The following RPH3A variants were observed in gnomAD, a reference collection of about 807,000 sequenced individuals.
The protein encoded by RPH3A is rabphilin-3A.
Under a neutral mutation model 102.2 loss-of-function variants are expected in RPH3A, and 48 were observed. That is an observed-to-expected ratio of 0.47 (90% confidence interval 0.37 to 0.60). The LOEUF is 0.60. Ranked by LOEUF, RPH3A falls within the 20% of genes least tolerant of loss-of-function variation. The pLI, the probability that RPH3A is intolerant of heterozygous loss-of-function variation, is 0.00. For missense variants in RPH3A, 781 were observed against 910.1 expected, an observed-to-expected ratio of 0.86 and a Z score of 1.83; for synonymous variants, 310 against 324.3, an observed-to-expected ratio of 0.96 and a Z score of 0.47.
chr12:112,606,256 C>T (rs967005819), intron 1 of RPH3A, among the ~76,000 whole-genome samples: 2 of 152,160 alleles, frequency 1.3e-5, no homozygotes, highest in Non-Finnish European at 2.9e-5. Context: ...CTAGAATTTA[C>T]CACTTACCAA....
At chr12:112,662,989 A>G (rs1480520916) in intron 1 of RPH3A, among the ~76,000 whole-genome samples, 1 of 151,726 alleles carries the variant, frequency 6.6e-6, no homozygotes, top group Non-Finnish European at 1.5e-5. Context: ...CTAGAAGAAT[A>G]TGAACATGGA....
intron 1 of RPH3A, among the ~76,000 whole-genome samples, chr12:112,596,752 A>G (rs1445842154): frequency 1.3e-5 from 2 of 152,240 alleles, no homozygotes; most frequent in Non-Finnish European, 2.9e-5. Flanking sequence ...TTTCAATAAA[A>G]GTAGACCCTA....
At position 112,851,678 on chromosome 12, in the gene RPH3A, A is replaced by G. The variant is rs374529813; in HGVS notation, c.230+3836A>G. ...TCCATGGAGCTCATGGGCTTCTGCC[A>G]GGAGGAATCTAAATCTTCACTCACC... On this transcript the variant is annotated intron_variant, in intron 5 of 21. Transcript: ENST00000389385. 4.6e-5 allele frequency among the ~76,000 whole-genome samples: 7 copies of G among 152,300 alleles called. No individual in the cohort carries two copies. In the East Asian group the frequency reaches 9.7e-4, roughly 21 times the overall value.
At chr12:112,874,983 C>A in intron 10 of RPH3A, 101 bp from the exon 11 acceptor site, 1 of 935,972 alleles carries the variant, frequency 1.1e-6, no homozygotes, top group Non-Finnish European at 1.6e-6. Context: ...CAGTGAAAGT[C>A]CAAGGGGCTC....
At chr12:112,709,631 G>A (rs2040446774) in intron 1 of RPH3A, among the ~76,000 whole-genome samples, 1 of 152,004 alleles carries the variant, frequency 6.6e-6, no homozygotes, top group Non-Finnish European at 1.5e-5. Flanking sequence ...TGTTTATTAA[G>A]CACCTACTAT....
rs186813980 is a variant in RPH3A at position 112,692,630 on chromosome 12, C to T, written c.-139-99513C>T. Among the ~76,000 whole-genome samples the T allele has an allele frequency of 2.4e-3, 360 of 151,914 alleles. 6 individuals are homozygous for T. The highest frequency in any genetic ancestry group is 2.7e-3 in the East Asian group (14 of 5,148). On this transcript the variant is annotated intron_variant, in intron 1 of 21. Coordinates refer to the RPH3A transcript ENST00000543106. ...AACACCAATTTGTCTGATTTCAAAG[C>T]CACTTTCTATACCACACTAATGTCC... is the stretch of plus-strand genomic sequence containing the variant.
rs572000449 is a variant in RPH3A, at chr12:112,586,932, C to A, written c.-140+11613C>A. Among the ~76,000 whole-genome samples the A allele has an allele frequency of 5.3e-5, 8 of 152,266 alleles. No individual in the cohort carries two copies. In the East Asian group the frequency reaches 9.7e-4, roughly 18 times the overall value. Reference sequence around the variant, plus strand: ...TCTACATGATAGATCCCTTATGGAGCTGCAGTAGGGTATAGTGTGAAATTA... The same window carrying A: ...TCTACATGATAGATCCCTTATGGAGATGCAGTAGGGTATAGTGTGAAATTA... On this transcript the variant is annotated intron_variant, in intron 1 of 21. Transcript: ENST00000543106.
At chr12:112,835,927 A>G (rs1271040689) in intron 3 of RPH3A, among the ~76,000 whole-genome samples, 2 of 152,206 alleles carry the variant, frequency 1.3e-5, no homozygotes, top group East Asian at 3.8e-4. Context: ...TGATACTTCT[A>G]TCTAGCATTT....
chr12:112,880,258 T>C (rs528639982), intron 14 of RPH3A, among the ~76,000 whole-genome samples: 1 of 152,186 alleles, frequency 6.6e-6, no homozygotes, highest in Non-Finnish European at 1.5e-5. Flanking sequence ...GAATATATCA[T>C]CATTTATTGG....
chr12:112,584,789 G>A (rs1401702478), intron 1 of RPH3A, among the ~76,000 whole-genome samples: 1 of 152,226 alleles, frequency 6.6e-6, no homozygotes, highest in East Asian at 1.9e-4. Flanking sequence ...TTGAGGCTTT[G>A]AAGTGTGCAC....
In RPH3A at chr12:112,683,624, G is replaced by C. The variant is rs542769540; in HGVS notation, c.-140+108305G>C. ...GTGCAACTGGAGCTCCATCCTCTTG[G>C]GTACCCTCTGAGTGACTGTGTAGGA... is the stretch of plus-strand genomic sequence containing the variant. On this transcript the variant is annotated intron_variant, in intron 1 of 21. Coordinates refer to the RPH3A transcript ENST00000543106. Among the ~76,000 whole-genome samples, 9 of 152,250 alleles carry C rather than the reference G, an allele frequency of 5.9e-5. No homozygotes were observed. The South Asian group carries it at 1.9e-3, about 32-fold the overall frequency.
intron 20 of RPH3A, chr12:112,895,526 C>G (rs1375073217): frequency 2.3e-6 from 1 of 426,464 alleles, no homozygotes; most frequent in Non-Finnish European, 4.3e-6. Flanking sequence ...AGAAAAACCT[C>G]ACCAGCCTTC....
At chr12:112,817,575 C>G (rs2041699488) in intron 2 of RPH3A, among the ~76,000 whole-genome samples, 1 of 151,914 alleles carries the variant, frequency 6.6e-6, no homozygotes. Context: ...CCCCCCACCC[C>G]CCGCACACGC....
intron 1 of RPH3A, among the ~76,000 whole-genome samples, chr12:112,621,361 C>G (rs1198448692): frequency 7.4e-5 from 11 of 148,218 alleles, no homozygotes; most frequent in African/African-American, 1.3e-4. Context: ...GCACCGTGCG[C>G]GAGCCGAAGC....
chr12:112,688,644 T>C (rs1443184514), intron 1 of RPH3A, among the ~76,000 whole-genome samples: 1 of 152,242 alleles, frequency 6.6e-6, no homozygotes, highest in Non-Finnish European at 1.5e-5. Context: ...TAGTACCTAC[T>C]AAGTGCTTGG....
chr12:112,698,245 C>G (rs1414041816), intron 1 of RPH3A, among the ~76,000 whole-genome samples: 1 of 152,164 alleles, frequency 6.6e-6, no homozygotes, highest in Non-Finnish European at 1.5e-5. Context: ...ACATCATATA[C>G]AAACATTAGC....
At chr12:112,774,063 C>CAAAAAAAAAAAAAAAAAA (rs11375355) in intron 1 of RPH3A, among the ~76,000 whole-genome samples, 29 of 108,364 alleles carry the variant, frequency 2.7e-4, no homozygotes, top group African/African-American at 8.7e-4. Context: ...CCAGCCTGGG[C>CAAAAAAAAAAAAAAAAAA]AAAAAAAAAA....
At chr12:112,843,968 T>G (rs2042189973) in intron 4 of RPH3A, among the ~76,000 whole-genome samples, 1 of 152,138 alleles carries the variant, frequency 6.6e-6, no homozygotes, top group Non-Finnish European at 1.5e-5. Context: ...TGAGGGATAT[T>G]GGCACACCAA....
At chr12:112,768,721 T>C (rs1221985704) in intron 1 of RPH3A, among the ~76,000 whole-genome samples, 3 of 152,268 alleles carry the variant, frequency 2.0e-5, no homozygotes, top group East Asian at 1.9e-4. Flanking sequence ...GAGTCCAGCC[T>C]GGGAAACTTA....
Sources: gnomAD v4.1 joint callset for allele counts (sites outside exome capture counted in the v4.1 genomes callset) on GRCh38, gnomAD v4.1.1 for gene constraint, MANE v1.5 for transcripts, NCBI Gene and HGNC (gene_info 2026-07-23, HGNC 2026-07-21) for gene names.